Variants in PCDH9 observed in about 807,000 individuals in gnomAD.
PCDH9 encodes protocadherin-9.
PCDH9 carries 24 observed loss-of-function variants against 70.6 expected under a neutral mutation model. The observed-to-expected ratio is 0.34, with a 90% CI of 0.25 to 0.48. The LOEUF is 0.48. Ranked by LOEUF, PCDH9 falls within the 20% of genes least tolerant of loss-of-function variation. The pLI, the probability that PCDH9 is intolerant of heterozygous loss-of-function variation, is 0.99. For synonymous variants in PCDH9, 562 were observed against 558.5 expected (o/e 1.01, Z -0.09); for missense variants, 1,281 against 1,503.6 (o/e 0.85, Z 2.45).
At chr13:66,577,092 T>C (rs913644006) in intron 4 of PCDH9, among the ~76,000 whole-genome samples, 2 of 151,966 alleles carry the variant, frequency 1.3e-5, no homozygotes, top group African/African-American at 2.4e-5. Context: ...TATTATACAA[T>C]TTAAATTCAT....
At chr13:67,107,646 T>C (rs1377502485) in intron 2 of PCDH9, among the ~76,000 whole-genome samples, 1 of 152,182 alleles carries the variant, frequency 6.6e-6, no homozygotes, top group Non-Finnish European at 1.5e-5. Flanking sequence ...ATGAAGCTCC[T>C]CTCCACCTTG....
At chr13:66,471,175 C>T (rs1294167934) in intron 4 of PCDH9, among the ~76,000 whole-genome samples, 1 of 151,758 alleles carries the variant, frequency 6.6e-6, no homozygotes, top group East Asian at 1.9e-4. Flanking sequence ...ATATTTTTAG[C>T]TATGGTTTTA....
chr13:67,010,755 C>T (rs1000338972), intron 2 of PCDH9, among the ~76,000 whole-genome samples: 1 of 151,916 alleles, frequency 6.6e-6, no homozygotes, highest in African/African-American at 2.4e-5. Context: ...TACAACTGGA[C>T]CTTTACTATT....
chr13:66,600,522 T>C (rs1465521220), intron 4 of PCDH9, among the ~76,000 whole-genome samples: 3 of 151,938 alleles, frequency 2.0e-5, no homozygotes, highest in Non-Finnish European at 4.4e-5. Context: ...ATAATTTTTT[T>C]CCCTAACATT....
intron 3 of PCDH9, among the ~76,000 whole-genome samples, chr13:66,657,276 C>A (rs1373026210): frequency 1.3e-5 from 2 of 152,170 alleles, no homozygotes; most frequent in East Asian, 1.9e-4. Context: ...CTACTGTAAA[C>A]ATGTCTCCCT....
intron 4 of PCDH9, among the ~76,000 whole-genome samples, chr13:66,358,596 T>A (rs1239089662): frequency 6.6e-6 from 1 of 152,008 alleles, no homozygotes; most frequent in East Asian, 1.9e-4. Flanking sequence ...CTTATCAGGA[T>A]TGAACCTACT....
At chr13:66,732,945 T>A (rs911094878) in intron 3 of PCDH9, among the ~76,000 whole-genome samples, 2 of 152,202 alleles carry the variant, frequency 1.3e-5, no homozygotes, top group South Asian at 4.1e-4. Flanking sequence ...AGATGTATAT[T>A]CACATGCACA....
chr13:66,952,778 C>G (rs1211293521), intron 2 of PCDH9, among the ~76,000 whole-genome samples: 1 of 152,084 alleles, frequency 6.6e-6, no homozygotes, highest in Non-Finnish European at 1.5e-5. Context: ...AGCCTAAACT[C>G]TCACACCTAG....
intron 2 of PCDH9, among the ~76,000 whole-genome samples, chr13:66,953,629 T>C (rs2083220224): frequency 6.6e-6 from 1 of 152,220 alleles, no homozygotes; most frequent in Non-Finnish European, 1.5e-5. Flanking sequence ...AAGTCTGTCC[T>C]ACCCCTGCAC....
At chr13:66,597,819 G>A (rs550456561) in intron 4 of PCDH9, among the ~76,000 whole-genome samples, 6 of 151,624 alleles carry the variant, frequency 4.0e-5, no homozygotes, top group South Asian at 4.2e-4. Flanking sequence ...GAAAATATTC[G>A]CAAACCATAT....
intron 3 of PCDH9, among the ~76,000 whole-genome samples, chr13:66,666,101 G>A (rs534752674): frequency 1.3e-5 from 2 of 152,344 alleles, no homozygotes; most frequent in East Asian, 3.9e-4. Flanking sequence ...CACTGTGTGT[G>A]AATGCAGGAG....
intron 3 of PCDH9, among the ~76,000 whole-genome samples, chr13:66,787,426 G>A (rs1424647166): frequency 1.3e-5 from 2 of 151,956 alleles, no homozygotes; most frequent in East Asian, 3.9e-4. Context: ...GACCAGCCTG[G>A]CCAAGATAGT....
intron 2 of PCDH9, among the ~76,000 whole-genome samples, chr13:67,022,841 C>T (rs980026248): frequency 6.6e-6 from 1 of 152,166 alleles, no homozygotes; most frequent in African/African-American, 2.4e-5. Flanking sequence ...ATCAAAGGCT[C>T]CTCTCCTATG....
At chr13:67,182,525 C>G (rs989437088) in intron 2 of PCDH9, among the ~76,000 whole-genome samples, 1 of 151,956 alleles carries the variant, frequency 6.6e-6, no homozygotes. Flanking sequence ...ACATAGTAAT[C>G]GAAATGTTCT....
chr13:66,602,520 A>G (rs1410416131), intron 4 of PCDH9, among the ~76,000 whole-genome samples: 1 of 145,968 alleles, frequency 6.9e-6, no homozygotes, highest in Non-Finnish European at 1.5e-5. Flanking sequence ...ACAGAAAAGT[A>G]TGATAGAATA....
intron 4 of PCDH9, among the ~76,000 whole-genome samples, chr13:66,336,614 G>A (rs1300003468): frequency 2.0e-5 from 3 of 152,016 alleles, no homozygotes; most frequent in Non-Finnish European, 4.4e-5. Flanking sequence ...TTTATTGTAG[G>A]TTTATGAAGA....
At chr13:67,028,125 T>C (rs1264737683) in intron 2 of PCDH9, among the ~76,000 whole-genome samples, 2 of 149,558 alleles carry the variant, frequency 1.3e-5, no homozygotes, top group Non-Finnish European at 3.0e-5. Flanking sequence ...CACACATATG[T>C]TTCTTGCGGC....
rs550470800 is a variant in PCDH9 at position 66,468,276 on chromosome 13, A to G, written c.3340+162934T>C. ...ATTACCTGCAATCTGTCAACACCCC[A>G]TCTACCTTAAAAATCAATTGAAAAA... On this transcript the variant is annotated intron_variant, in intron 4 of 4. Transcript: ENST00000377865. Among the ~76,000 whole-genome samples the G allele has an allele frequency of 3.9e-5, 6 of 152,134 alleles. No homozygotes were observed. The South Asian group carries it at 1.2e-3, about 32-fold the overall frequency.
intron 2 of PCDH9, among the ~76,000 whole-genome samples, chr13:67,008,710 C>A (rs1269297940): frequency 1.3e-5 from 2 of 152,110 alleles, no homozygotes; most frequent in Non-Finnish European, 2.9e-5. Context: ...TCCTTCTACT[C>A]AACATGTAGC....
Sources: allele counts gnomAD v4.1 joint callset (sites outside exome capture counted in the v4.1 genomes callset), GRCh38; gene constraint gnomAD v4.1.1; transcripts MANE v1.5; gene names NCBI Gene and HGNC (gene_info 2026-07-23, HGNC 2026-07-21).